The following PRKCE variants were observed in gnomAD, a reference collection of about 807,000 sequenced individuals.
The protein encoded by PRKCE is protein kinase C epsilon type.
Under a neutral mutation model 85.4 loss-of-function variants are expected in PRKCE, and 16 were observed. The ratio of observed to expected loss-of-function variants is 0.19; its 90% CI spans 0.13 to 0.28. The LOEUF (loss-of-function observed/expected upper bound fraction) is 0.28. Among genes scored for constraint, PRKCE ranks in the 10% least tolerant of loss-of-function variants. The pLI, the probability that PRKCE is intolerant of heterozygous loss-of-function variation, is 1.00. For missense variants in PRKCE, 573 were observed against 975.2 expected (o/e 0.59, Z 5.49); for synonymous variants, 388 against 371.5 (o/e 1.04, Z -0.51).
At chr2:45,961,872 T>A (rs1701404910) in intron 2 of PRKCE, among the ~76,000 whole-genome samples, 1 of 152,138 alleles carries the variant, frequency 6.6e-6, no homozygotes, top group Non-Finnish European at 1.5e-5. Flanking sequence ...ATTTTGTATT[T>A]TTAGTAGAGA....
intron 2 of PRKCE, among the ~76,000 whole-genome samples, chr2:45,898,083 T>A (rs999734171): frequency 6.6e-6 from 1 of 152,176 alleles, no homozygotes; most frequent in Admixed American, 6.5e-5. Context: ...TGCAGGCCCC[T>A]CGTGATAGAG....
chr2:45,709,326 G>A (rs151047452), intron 1 of PRKCE, among the ~76,000 whole-genome samples: 42 of 152,362 alleles, frequency 2.8e-4, no homozygotes, highest in Admixed American at 7.2e-4. Flanking sequence ...GCCTTCCTGG[G>A]TCAAGGCCAG....
intron 10 of PRKCE, among the ~76,000 whole-genome samples, chr2:46,049,812 C>T (rs1708744468): frequency 6.6e-6 from 1 of 152,138 alleles, no homozygotes. Flanking sequence ...TCTGATACAC[C>T]ATTTTGTGTT....
At chr2:45,962,877 T>G (rs1345336151) in intron 2 of PRKCE, among the ~76,000 whole-genome samples, 1 of 152,146 alleles carries the variant, frequency 6.6e-6, no homozygotes, top group Non-Finnish European at 1.5e-5. Flanking sequence ...TTAAAAGCAT[T>G]ATTGCTTTTG....
At chr2:45,747,074 G>A (rs935010684) in intron 1 of PRKCE, among the ~76,000 whole-genome samples, 9 of 152,086 alleles carry the variant, frequency 5.9e-5, no homozygotes, top group South Asian at 4.1e-4. Context: ...TTTTGCGTGC[G>A]CTCATCTCAT....
At chr2:45,837,910 G>T (rs750965695) in intron 1 of PRKCE, among the ~76,000 whole-genome samples, 15 of 152,140 alleles carry the variant, frequency 9.9e-5, no homozygotes, top group Non-Finnish European at 1.5e-4. Flanking sequence ...CTACCTTACA[G>T]ATTAATTGTG....
chr2:45,958,804 ATATATATATATATTTTTTTTTTTTT>A (rs1558885606), intron 2 of PRKCE, among the ~76,000 whole-genome samples: 6 of 21,386 alleles, frequency 2.8e-4, no homozygotes, highest in African/African-American at 1.2e-3. Context: ...ATATATATAT[ATATATATATATATTTTTTTTTTTTT>A]TTTTTTTTTT....
intron 11 of PRKCE, among the ~76,000 whole-genome samples, chr2:46,108,068 C>T (rs1263497698): frequency 6.6e-6 from 1 of 152,170 alleles, no homozygotes; most frequent in Non-Finnish European, 1.5e-5. Flanking sequence ...GCTGGGGCTA[C>T]ATGTGTGTGC....
At chr2:45,840,533 C>A (rs994158430) in intron 1 of PRKCE, 1 of 152,226 alleles carries the variant, frequency 6.6e-6, no homozygotes, top group Admixed American at 6.5e-5. Flanking sequence ...GGATTTAAAA[C>A]CGAAGATCCC....
chr2:45,897,368 G>A (rs1696228403), intron 2 of PRKCE, among the ~76,000 whole-genome samples: 1 of 152,208 alleles, frequency 6.6e-6, no homozygotes, highest in Non-Finnish European at 1.5e-5. Flanking sequence ...CACTGTGAGA[G>A]ACGGCATCAT....
intron 1 of PRKCE, among the ~76,000 whole-genome samples, chr2:45,773,040 T>G (rs1685466517): frequency 6.6e-6 from 1 of 152,168 alleles, no homozygotes; most frequent in Non-Finnish European, 1.5e-5. Context: ...ACCTAATAAC[T>G]TCCTTCTGGC....
Position 46,184,661 on chromosome 2 carries a change from G to A in PRKCE, c.2068-74G>A. 6 of 1,557,128 alleles carry A rather than the reference G, an allele frequency of 3.9e-6. 1 individual carries two copies. The highest frequency in any genetic ancestry group is 5.2e-6 in the Non-Finnish European group (6 of 1,155,582). ...CTTTGGTGACAGGCTGGTCAGTGCG[G>A]TGCCCACTCCCCATGGGGGGCCCTC... is the stretch of plus-strand genomic sequence containing the variant. On this transcript the variant is annotated intron_variant, in intron 14 of 14. Transcript: ENST00000306156. The surrounding 1 kb of genome is among the most constrained non-coding windows in gnomAD (Gnocchi z 5.0).
intron 6 of PRKCE, among the ~76,000 whole-genome samples, chr2:45,999,611 C>A (rs1004455167): frequency 6.6e-6 from 1 of 151,990 alleles, no homozygotes; most frequent in Non-Finnish European, 1.5e-5. Context: ...TGGTGTTCTT[C>A]AAGCTTCCTG....
chr2:46,133,708 A>G (rs1167422947), intron 11 of PRKCE, among the ~76,000 whole-genome samples: 1 of 152,130 alleles, frequency 6.6e-6, no homozygotes, highest in African/African-American at 2.4e-5. Context: ...TTCAGTGAAC[A>G]TTGAATACTG....
intron 1 of PRKCE, among the ~76,000 whole-genome samples, chr2:45,805,262 G>A (rs1008728514): frequency 6.6e-6 from 1 of 152,128 alleles, no homozygotes; most frequent in African/African-American, 2.4e-5. Context: ...TTGTATAGCT[G>A]GACTCAAACC....
chr2:46,036,247 C>A (rs1707850440), intron 10 of PRKCE, among the ~76,000 whole-genome samples: 1 of 151,970 alleles, frequency 6.6e-6, no homozygotes, highest in African/African-American at 2.4e-5. Context: ...GGGGTCAGAG[C>A]GAGAGCAGGC....
intron 2 of PRKCE, among the ~76,000 whole-genome samples, chr2:45,975,368 CT>C (rs548092305): frequency 7.9e-4 from 121 of 152,304 alleles, no homozygotes; most frequent in Non-Finnish European, 1.5e-3. Context: ...CAGACATTCA[CT>C]TCTCACAGTT....
chr2:45,807,392 C>G lies in PRKCE; in HGVS notation c.349-35608C>G, dbSNP rs567918902. 1.2e-4 allele frequency among the ~76,000 whole-genome samples: 18 copies of G among 152,330 alleles called. No homozygotes were observed. The South Asian group carries it at 3.7e-3, about 32-fold the overall frequency. On this transcript the variant is annotated intron_variant, in intron 1 of 14. Coordinates refer to ENST00000306156, the MANE Select transcript of PRKCE (RefSeq NM_005400.3). Reference sequence around the variant, plus strand: ...TGCTGATGGCCCAGAATCATGGCTGCTAATTTCTCTCAAAAGGCGATGTGT... The same window carrying G: ...TGCTGATGGCCCAGAATCATGGCTGGTAATTTCTCTCAAAAGGCGATGTGT...
intron 11 of PRKCE, among the ~76,000 whole-genome samples, chr2:46,137,193 T>G (rs954888382): frequency 1.3e-5 from 2 of 152,186 alleles, no homozygotes; most frequent in Non-Finnish European, 2.9e-5. Flanking sequence ...TAAAGATATG[T>G]TGGACCAGCC....
Sources: gnomAD v4.1 joint callset for allele counts (sites outside exome capture counted in the v4.1 genomes callset) on GRCh38, gnomAD v4.1.1 for gene constraint, Gnocchi (gnomAD v3.1) non-coding constraint, MANE v1.5 for transcripts, NCBI Gene and HGNC (gene_info 2026-07-23, HGNC 2026-07-21) for gene names.